EIF3G: variants seen among roughly 807,000 people sequenced by gnomAD.
EIF3G encodes the protein eukaryotic translation initiation factor 3 RNA-binding subunit.
Under a neutral mutation model 41.7 loss-of-function variants are expected in EIF3G, and 10 were observed. That is an observed-to-expected ratio of 0.24 (90% CI 0.15 to 0.41). The LOEUF is 0.41. Among genes scored for constraint, EIF3G ranks in the 10% least tolerant of loss-of-function variants. EIF3G has a pLI of 1.00. For missense variants in EIF3G, 297 were observed against 444.0 expected (o/e 0.67, Z 2.98); for synonymous variants, 204 against 172.5 (o/e 1.18, Z -1.43).
chr19:10,115,988 A>T lies in EIF3G; in HGVS notation c.682T>A (p.Ser228Thr). 1.2e-6 allele frequency: 2 copies of T among 1,611,936 alleles called. No homozygotes were observed. Among genetic ancestry groups the T allele is most frequent in the Non-Finnish European group, 1.7e-6 (2 of 1,179,380 alleles). ...TCACCTCTGCGGTTGGGCTGCATGG[A>T]CTCCCCGCGGCGGCTGGCCCCGTCG... ...LRDGASRRGESMQPNRRADDN... is the reference protein window; with the variant it reads ...LRDGASRRGETMQPNRRADDN... Residue 228 changes from serine (S) to threonine (T), a missense_variant, in exon 8 of 11, where the codon TCC becomes ACC. By Grantham distance (58) the Ser-to-Thr change is moderately conservative. Coordinates refer to ENST00000253108, the MANE Select transcript of EIF3G (RefSeq NM_003755.5).
rs760613402 is a variant in EIF3G, at chr19:10,116,022, C to A, written c.648G>T (p.Pro216=). 1 of 1,613,864 alleles carries A rather than the reference C, an allele frequency of 6.2e-7. No homozygotes were observed. The highest frequency in any genetic ancestry group is 2.2e-5 in the East Asian group (1 of 44,882). Residue 216 remains proline (P), a synonymous_variant, in exon 8 of 11, where the codon CCG becomes CCT. Coordinates refer to ENST00000253108, the MANE Select transcript of EIF3G (RefSeq NM_003755.5). The surrounding 1 kb of genome is among the most constrained non-coding windows in gnomAD (Gnocchi z 4.1). ...GGCGGCTGGCCCCGTCGCGCAGGCT[C>A]GGCGGCACATACTTCCCTGTCTTGT... ...TQNKTGKYVP[P]SLRDGASRRG... is the part of the protein sequence containing the mutation.
At position 10,116,793 on chromosome 19, in the gene EIF3G, C is replaced by T; in HGVS notation, c.595+7G>A. Reference sequence around the variant, plus strand: ...GCACTGACAGCAGGACCCTCCCACCCCCACACCTCCCGGCAGCTTCTCCTT... The same window carrying T: ...GCACTGACAGCAGGACCCTCCCACCTCCACACCTCCCGGCAGCTTCTCCTT... On this transcript the variant is annotated splice_region_variant and intron_variant, in intron 7 of 10. Transcript: ENST00000253108. This position sits in a 1 kb window ranked among gnomAD's most constrained non-coding sequence, Gnocchi z 4.1. The T allele has an allele frequency of 3.2e-6, 5 of 1,570,468 alleles. No individual in the cohort carries two copies. The highest frequency in any genetic ancestry group is 4.3e-6 in the Non-Finnish European group (5 of 1,155,924).
rs771286307 is a variant in EIF3G, at chr19:10,116,297, G to C, written c.596-223C>G. The C allele has an allele frequency of 1.5e-4, 87 of 592,746 alleles. No homozygotes were observed. Among genetic ancestry groups the C allele is most frequent in the South Asian group, 2.4e-4 (12 of 49,862 alleles). The allele number at this position is 592,746 out of a possible 1,614,324, so 36.7% of individuals were successfully genotyped here. A position where few individuals can be genotyped will look rare whatever the true frequency, so the allele number is the denominator to read the frequency against. On this transcript the variant is annotated intron_variant, in intron 7 of 10. Coordinates refer to ENST00000253108, the MANE Select transcript of EIF3G (RefSeq NM_003755.5). The surrounding 1 kb of genome is among the most constrained non-coding windows in gnomAD (Gnocchi z 4.1). ...GTGGAGGAGGAGGAGGAGGAGCCCC[G>C]ACCCCACCCCAGAGAGGGCGGGAGG...
Position 10,116,319 on chromosome 19 carries a change from G to A in EIF3G, c.596-245C>T, listed in dbSNP as rs2089249157. ...CCCGACCCCACCCCAGAGAGGGCGG[G>A]AGGACAACAGGGGCAGCAGCCTCAC... On this transcript the variant is annotated intron_variant, in intron 7 of 10. Coordinates refer to ENST00000253108, the MANE Select transcript of EIF3G (RefSeq NM_003755.5). The surrounding 1 kb of genome is among the most constrained non-coding windows in gnomAD (Gnocchi z 4.1). The A allele has an allele frequency of 5.2e-6, 3 of 575,926 alleles. No individual in the cohort carries two copies. Among genetic ancestry groups the A allele is most frequent in the Admixed American group, 3.1e-5 (1 of 31,864 alleles). 35.7% of individuals were successfully genotyped at this position (575,926 alleles called of 1,614,324 possible). A position where few individuals can be genotyped will look rare whatever the true frequency, so the allele number is the denominator to read the frequency against.
chr19:10,119,880 C>A lies in EIF3G; in HGVS notation c.-21G>T. ...GGCATCGCAAAAAGTATTCTCCACG[C>A]AGCCCAAGCCCGGCCAGAGAGCGGA... On this transcript the variant is annotated 5_prime_UTR_variant, in exon 1 of 11. Coordinates refer to ENST00000253108, the MANE Select transcript of EIF3G (RefSeq NM_003755.5). The A allele has an allele frequency of 5.6e-6, 9 of 1,614,118 alleles. No homozygotes were observed. The highest frequency in any genetic ancestry group is 2.2e-5 in the South Asian group (2 of 91,084).
intron 4 of EIF3G, 66 bp from the exon 5 acceptor site, chr19:10,118,793 AAC>A: frequency 6.2e-7 from 1 of 1,608,356 alleles, no homozygotes; most frequent in East Asian, 2.2e-5. Context: ...CAACCTCCTC[AAC>A]ACACCCCACC....
At position 10,116,843 on chromosome 19, in the gene EIF3G, C is replaced by T. The variant is rs1229130826; in HGVS notation, c.552G>A (p.Glu184=). The change falls in exon 7 of 11, where the codon GAG becomes GAA. Residue 184 remains glutamate, a synonymous_variant. Coordinates refer to ENST00000253108, the MANE Select transcript of EIF3G (RefSeq NM_003755.5). This position sits in a 1 kb window ranked among gnomAD's most constrained non-coding sequence, Gnocchi z 4.1. ...TLGPMQKELA[E]QLGLSTGEKE... ...TCTCGCCAGTAGACAGGCCCAGCTG[C>T]TCGGCCAGCTCCTTCTGCATGGGCC... The T allele has an allele frequency of 1.2e-6, 2 of 1,609,962 alleles. No homozygotes were observed. The highest frequency in any genetic ancestry group is 4.5e-5 in the East Asian group (2 of 44,770).
rs1461166280 is a variant in EIF3G, at chr19:10,116,123, G to A, written c.596-49C>T. 2 of 1,570,054 alleles carry A rather than the reference G, an allele frequency of 1.3e-6. No individual in the cohort carries two copies. Among genetic ancestry groups the A allele is most frequent in the Admixed American group, 1.8e-5 (1 of 56,472 alleles). On this transcript the variant is annotated intron_variant, in intron 7 of 10. Transcript: ENST00000253108. The surrounding 1 kb of genome is among the most constrained non-coding windows in gnomAD (Gnocchi z 4.1). ...TTCAACCTCACTGTGGCGCAGGCGT[G>A]GGGACAGAGCCGCCCCAGGAAGCTC...
At chr19:10,118,620 A>G in intron 5 of EIF3G, 48 bp downstream of exon 5, 1 of 1,598,828 alleles carries the variant, frequency 6.3e-7, no homozygotes, top group Non-Finnish European at 8.6e-7. Flanking sequence ...GTCCGGGAGC[A>G]CGGTTTTCCA....
chr19:10,119,850 C>T lies in EIF3G; in HGVS notation c.10G>A (p.Gly4Arg), dbSNP rs1453227727. The change falls in exon 1 of 11, where the codon GGA becomes AGA. Residue 4 changes from glycine to arginine, a missense_variant. Gly to Arg is a moderately radical substitution (Grantham distance 125). Coordinates refer to ENST00000253108, the MANE Select transcript of EIF3G (RefSeq NM_003755.5). ...CGATCGCCGACTCACTCAAAGTCTC[C>T]AGTAGGCATCGCAAAAAGTATTCTC... MPT[G>R]DFDSKPSWAD... is the part of the protein sequence containing the mutation. 1.9e-6 allele frequency: 3 copies of T among 1,614,102 alleles called. No homozygotes were observed. Among genetic ancestry groups the T allele is most frequent in the Middle Eastern group, 1.6e-4 (1 of 6,084 alleles).
Position 10,119,059 on chromosome 19 carries a change from TCACTCACCTCCC to T in EIF3G, c.151+17_151+28del, listed in dbSNP as rs2089283698. 4 of 525,560 alleles carry T rather than the reference TCACTCACCTCCC, an allele frequency of 7.6e-6. No homozygotes were observed. Among genetic ancestry groups the T allele is most frequent in the Non-Finnish European group, 1.1e-5 (4 of 364,408 alleles). 32.6% of individuals were successfully genotyped at this position (525,560 alleles called of 1,614,324 possible). On this transcript the variant is annotated intron_variant, in intron 3 of 10. Transcript: ENST00000253108. ...CAGCCCGGACACCGAGTGGCAGTCC[TCACTCACCTCCC>T]GGCAGTCCTCACTCACCTCCCGGCA...
intron 2 of EIF3G, chr19:10,119,373 G>T (rs1311425823): frequency 3.9e-6 from 3 of 770,006 alleles, no homozygotes; most frequent in Non-Finnish European, 6.7e-6. Flanking sequence ...AGGAAGGTGG[G>T]TGCCAGGCCA....
At chr19:10,115,187 C>T in intron 10 of EIF3G, 58 bp from the exon 11 acceptor site, 1 of 1,602,776 alleles carries the variant, frequency 6.2e-7, no homozygotes, top group Non-Finnish European at 8.5e-7. Context: ...AGACCCCAGA[C>T]ACCCAAGTGG....
chr19:10,115,711 A>G lies in EIF3G; in HGVS notation c.813T>C (p.Ala271=), dbSNP rs999830510. ...PFGSISRIYL[A]KDKTTGQSKG... is the part of the protein sequence containing the mutation. ...TGGATTGGCCAGTGGTCTTGTCCTT[A>G]GCCAGGTAGATGCGGGAGATGGAGC... is the stretch of plus-strand genomic sequence containing the variant. The change falls in exon 9 of 11, where the codon GCT becomes GCC. Residue 271 remains alanine, a synonymous_variant. Transcript: ENST00000253108. 7 of 1,614,064 alleles carry G rather than the reference A, an allele frequency of 4.3e-6. No individual in the cohort carries two copies. The highest frequency in any genetic ancestry group is 4.0e-5 in the African/African-American group (3 of 74,940).
intron 10 of EIF3G, 31 bp downstream of exon 10, chr19:10,115,448 A>G (rs200086408): frequency 1.3e-6 from 2 of 1,582,542 alleles, no homozygotes; most frequent in East Asian, 2.2e-5. Flanking sequence ...CAAGGCAGGG[A>G]GCAGGGGCTG....
rs745674033 is a variant in EIF3G, at chr19:10,118,818, A to G, written c.240+50T>C. On this transcript the variant is annotated intron_variant, in intron 4 of 10. Transcript: ENST00000253108. ...AACACACCCCACCCCATTCCGGTCT[A>G]TGGGCCCCCAAGCACAAGGGTCCCC... The G allele has an allele frequency of 3.3e-5, 53 of 1,603,408 alleles. No homozygotes were observed. In the Middle Eastern group the frequency reaches 6.1e-3, roughly 185 times the overall value.
At chr19:10,119,509 G>A in intron 2 of EIF3G, 145 bp downstream of exon 2, 2 of 1,064,266 alleles carry the variant, frequency 1.9e-6, no homozygotes, top group Non-Finnish European at 2.8e-6. Flanking sequence ...CCTGGAGTTG[G>A]CAACAGGCGG....
At chr19:10,118,028 G>A (rs1434194045) in intron 5 of EIF3G, 4 of 152,312 alleles carry the variant, frequency 2.6e-5, no homozygotes, top group African/African-American at 9.7e-5. Context: ...CTCCAGCCTG[G>A]GCAACAGAAC....
At chr19:10,118,635 C>T in intron 5 of EIF3G, 33 bp downstream of exon 5, 6 of 1,612,830 alleles carry the variant, frequency 3.7e-6, no homozygotes, top group Non-Finnish European at 5.1e-6. Flanking sequence ...TTTCCAATTC[C>T]TCTAGGTTAG....
Sources: gnomAD v4.1 joint callset for allele counts on GRCh38, gnomAD v4.1.1 for gene constraint, Gnocchi (gnomAD v3.1) non-coding constraint, MANE v1.5 for transcripts, NCBI Gene and HGNC (gene_info 2026-07-23, HGNC 2026-07-21) for gene names.